Variants in DIPK1B observed in about 807,000 individuals in gnomAD.
The protein encoded by DIPK1B is divergent protein kinase domain 1B.
DIPK1B carries 17 observed loss-of-function variants against 20.7 expected under a neutral mutation model. The observed-to-expected ratio is 0.82, with a 90% CI of 0.56 to 1.23. The LOEUF (loss-of-function observed/expected upper bound fraction) is 1.23. Among genes scored for constraint, DIPK1B ranks in the 50% most tolerant of loss-of-function variants. DIPK1B has a pLI of 0.00. For missense variants in DIPK1B, 648 were observed against 601.8 expected, an observed-to-expected ratio of 1.08 and a Z score of -0.80; for synonymous variants, 343 against 276.5, an observed-to-expected ratio of 1.24 and a Z score of -2.39.
Position 136,723,360 on chromosome 9 carries a change from C to G in DIPK1B, c.882C>G (p.Tyr294Ter), listed in dbSNP as rs772895018. 6.2e-7 allele frequency: 1 copy of G among 1,613,294 alleles called. No homozygotes were observed. Among genetic ancestry groups the G allele is most frequent in the African/African-American group, 1.3e-5 (1 of 74,934 alleles). The change falls in exon 5 of 5, where the codon TAC (tyrosine) becomes TAG (stop). Residue 294 changes from tyrosine to a stop codon, truncating the protein, a stop_gained. Transcript: ENST00000371692. LOFTEE classifies it low-confidence loss of function (END_TRUNC). ...ELFHGSYGTF[Y>*]MCETTLANVG... ...TCCACGGCTCTTACGGGACTTTCTACATGTGTGAGACCACACTGGCCAACG... is the reference window on the plus strand; with the variant it reads ...TCCACGGCTCTTACGGGACTTTCTAGATGTGTGAGACCACACTGGCCAACG...
At chr9:136,722,836 C>T (rs1220865997) in intron 4 of DIPK1B, 126 bp from the exon 5 acceptor site, 1 of 961,628 alleles carries the variant, frequency 1.0e-6, no homozygotes. Flanking sequence ...GGCTGGGACC[C>T]CTAACCTGGC....
At chr9:136,718,692 T>C (rs974528119) in intron 2 of DIPK1B, among the ~76,000 whole-genome samples, 5 of 152,124 alleles carry the variant, frequency 3.3e-5, no homozygotes, top group Non-Finnish European at 5.9e-5. Flanking sequence ...TGGGTTGTCA[T>C]AGGGTGATTG....
At chr9:136,717,844 C>A in intron 2 of DIPK1B, 133 bp downstream of exon 2, 1 of 1,374,046 alleles carries the variant, frequency 7.3e-7, no homozygotes, top group South Asian at 1.3e-5. Flanking sequence ...TAGGTGGAAT[C>A]TGCAAAGCTG....
In DIPK1B at chr9:136,712,595, GCGGGCCGGGC is replaced by G. The variant is rs894904352; in HGVS notation, c.-61_-52del. ...GCATGGCGAGGGAGCGGCGGCCGCT[GCGGGCCGGGC>G]CGGGCCGGGGCTGAGGCCGAGCGAG... On this transcript the variant is annotated 5_prime_UTR_variant, in exon 1 of 5. An upstream open reading frame in the 5' UTR loses its in-frame stop. Coordinates refer to ENST00000371692, the MANE Select transcript of DIPK1B (RefSeq NM_152421.4). This position sits in a 1 kb window ranked among gnomAD's most constrained non-coding sequence, Gnocchi z 5.6. 3.3e-5 allele frequency: 24 copies of G among 733,540 alleles called. No individual in the cohort carries two copies. Among genetic ancestry groups the G allele is most frequent in the Admixed American group, 1.3e-4 (2 of 15,498 alleles). The allele number at this position is 733,540 out of a possible 1,614,324, so 45.4% of individuals were successfully genotyped here. A position where few individuals can be genotyped will look rare whatever the true frequency, so the allele number is the denominator to read the frequency against.
chr9:136,722,555 G>GT (rs1418083852), intron 4 of DIPK1B: 1 of 583,648 alleles, frequency 1.7e-6, no homozygotes, highest in African/African-American at 1.9e-5. Flanking sequence ...GTCAAGGGCC[G>GT]TGTGTCCAGC....
chr9:136,713,526 G>A (rs1046250114), intron 1 of DIPK1B, among the ~76,000 whole-genome samples: 27 of 152,232 alleles, frequency 1.8e-4, no homozygotes, highest in African/African-American at 5.8e-4. Flanking sequence ...TATGGAACCT[G>A]GCAACCCACA....
chr9:136,718,065 G>C (rs1430369757), intron 2 of DIPK1B, among the ~76,000 whole-genome samples: 1 of 152,106 alleles, frequency 6.6e-6, no homozygotes, highest in East Asian at 1.9e-4. Flanking sequence ...ACTGCTCCGG[G>C]ATAGAGACCC....
chr9:136,724,353 T>A lies in DIPK1B; in HGVS notation c.*579T>A, dbSNP rs372644767. 1.4e-4 allele frequency among the ~76,000 whole-genome samples: 21 copies of A among 152,184 alleles called. No homozygotes were observed. The East Asian group carries it at 1.5e-3, about 11-fold the overall frequency. ...AGGTGTTCCAGTAAGAAAACAGATATATGCGGTATTTTAAAAACTGATTTT... is the reference window on the plus strand; with the variant it reads ...AGGTGTTCCAGTAAGAAAACAGATAAATGCGGTATTTTAAAAACTGATTTT... On this transcript the variant is annotated 3_prime_UTR_variant, in exon 5 of 5. Transcript: ENST00000371692.
chr9:136,723,057 A>C lies in DIPK1B; in HGVS notation c.579A>C (p.Glu193Asp). 1 of 1,613,556 alleles carries C rather than the reference A, an allele frequency of 6.2e-7. No homozygotes were observed. The highest frequency in any genetic ancestry group is 8.5e-7 in the Non-Finnish European group (1 of 1,180,034). Residue 193 changes from glutamate (E) to aspartate (D), a missense_variant, in exon 5 of 5, where the codon GAA becomes GAC. Coordinates refer to ENST00000371692, the MANE Select transcript of DIPK1B (RefSeq NM_152421.4). ...AGGACAACCGGGTGTCCCTGGCGGA[A>C]GCCAAGTCCGTGTGGGCCCTGCTGC... ...FNKDNRVSLA[E>D]AKSVWALLQR... is the part of the protein sequence containing the mutation.
chr9:136,722,185 C>T lies in DIPK1B; in HGVS notation c.367C>T (p.Leu123Phe), dbSNP rs750591251. The T allele has an allele frequency of 6.2e-7, 1 of 1,613,960 alleles. No homozygotes were observed. Among genetic ancestry groups the T allele is most frequent in the South Asian group, 1.1e-5 (1 of 91,088 alleles). Residue 123 changes from leucine to phenylalanine, a missense_variant, in exon 4 of 5, where the codon CTC (leucine) becomes TTC (phenylalanine). Coordinates refer to ENST00000371692, the MANE Select transcript of DIPK1B (RefSeq NM_152421.4). ...VTIKCGIEET[L>F]DSKARSDAAP... is the part of the protein sequence containing the mutation. Reference sequence around the variant, plus strand: ...CATCAAGTGTGGCATTGAGGAGACCCTCGACTCCAAGGCCCGGTCGGATGC... The same window carrying T: ...CATCAAGTGTGGCATTGAGGAGACCTTCGACTCCAAGGCCCGGTCGGATGC...
At position 136,724,242 on chromosome 9, in the gene DIPK1B, G is replaced by C. The variant is rs1846667671; in HGVS notation, c.*468G>C. On this transcript the variant is annotated 3_prime_UTR_variant, in exon 5 of 5. Coordinates refer to ENST00000371692, the MANE Select transcript of DIPK1B (RefSeq NM_152421.4). ...CCCACACACACCTCTGAAGCCGCCA[G>C]GGCAGTTCCCCAAACACAGCGGCTT... is the stretch of plus-strand genomic sequence containing the variant. 1.3e-5 allele frequency among the ~76,000 whole-genome samples: 2 copies of C among 152,304 alleles called. No individual in the cohort carries two copies. The highest frequency in any genetic ancestry group is 4.1e-4 in the South Asian group (2 of 4,824).
At position 136,712,833 on chromosome 9, in the gene DIPK1B, C is replaced by G; in HGVS notation, c.63+105C>G. On this transcript the variant is annotated intron_variant, in intron 1 of 4. Coordinates refer to ENST00000371692, the MANE Select transcript of DIPK1B (RefSeq NM_152421.4). The surrounding 1 kb of genome is among the most constrained non-coding windows in gnomAD (Gnocchi z 5.6). ...CGGAGCGGGGCCCCGGGTTCGGACA[C>G]GAAGGGTTCATGAGCCCGGGGTGGG... 1.3e-6 allele frequency: 1 copy of G among 754,092 alleles called. No individual in the cohort carries two copies. The highest frequency in any genetic ancestry group is 1.8e-6 in the Non-Finnish European group (1 of 564,020). The allele number at this position is 754,092 out of a possible 1,614,324, so 46.7% of individuals were successfully genotyped here. A position where few individuals can be genotyped will look rare whatever the true frequency, so the allele number is the denominator to read the frequency against.
In DIPK1B at chr9:136,723,193, T is replaced by C; in HGVS notation, c.715T>C (p.Trp239Arg). 1 of 1,612,642 alleles carries C rather than the reference T, an allele frequency of 6.2e-7. No individual in the cohort carries two copies. The highest frequency in any genetic ancestry group is 8.5e-7 in the Non-Finnish European group (1 of 1,179,816). ...CACCGAGGGCGTGCCGCATGGCGCC[T>C]GGCACGCGGCCGCCCTTCCACCCCT... The part of the protein sequence containing the change: ...YLTEGVPHGA[W>R]HAAALPPLLR... Residue 239 changes from tryptophan (W) to arginine (R), a missense_variant, in exon 5 of 5, where the codon TGG becomes CGG. Transcript: ENST00000371692.
intron 1 of DIPK1B, among the ~76,000 whole-genome samples, chr9:136,713,840 C>A (rs1846459810): frequency 6.6e-6 from 1 of 152,242 alleles, no homozygotes; most frequent in South Asian, 2.1e-4. Context: ...GCCTCAGTTT[C>A]CTGGCCTTGT....
At chr9:136,716,095 G>T (rs1846492624) in intron 1 of DIPK1B, among the ~76,000 whole-genome samples, 1 of 151,872 alleles carries the variant, frequency 6.6e-6, no homozygotes, top group Admixed American at 6.6e-5. Context: ...TGAGCCTCTT[G>T]TCCTGGGGCT....
chr9:136,714,842 C>T (rs1186142128), intron 1 of DIPK1B, among the ~76,000 whole-genome samples: 2 of 152,160 alleles, frequency 1.3e-5, no homozygotes, highest in Admixed American at 6.5e-5. Flanking sequence ...GTAGCCCTGC[C>T]TGGGGCGGCC....
At chr9:136,717,447 A>AG in intron 1 of DIPK1B, 130 bp from the exon 2 acceptor site, 2 of 1,067,524 alleles carry the variant, frequency 1.9e-6, no homozygotes, top group Middle Eastern at 6.2e-4. Flanking sequence ...CGGGGGTGCC[A>AG]GGGGGCCAAG....
In DIPK1B at chr9:136,713,007, C is replaced by T. The variant is rs371645306; in HGVS notation, c.63+279C>T. 2.0e-5 allele frequency among the ~76,000 whole-genome samples: 3 copies of T among 152,314 alleles called. No individual in the cohort carries two copies. In the East Asian group the frequency reaches 5.8e-4, roughly 30 times the overall value. On this transcript the variant is annotated intron_variant, in intron 1 of 4. Coordinates refer to ENST00000371692, the MANE Select transcript of DIPK1B (RefSeq NM_152421.4). ...GTCCCTGCCCCCCAGGCCCAGAAAC[C>T]ACACCGAAGTCCTTTCTTCTTTTCT...
chr9:136,724,495 TAGG>T lies in DIPK1B; in HGVS notation c.*724_*726del, dbSNP rs1302589662. 2.0e-5 allele frequency among the ~76,000 whole-genome samples: 3 copies of T among 152,258 alleles called. No individual in the cohort carries two copies. In the East Asian group the frequency reaches 5.8e-4, roughly 29 times the overall value. ...CCCAGGGCACCCAGCAACCATCCCCTAGGAGAACAGGCAAGGACCCTCGTGGGA... is the reference window on the plus strand; with the variant it reads ...CCCAGGGCACCCAGCAACCATCCCCTAGAACAGGCAAGGACCCTCGTGGGA... On this transcript the variant is annotated 3_prime_UTR_variant, in exon 5 of 5. Coordinates refer to ENST00000371692, the MANE Select transcript of DIPK1B (RefSeq NM_152421.4).
Sources: gnomAD v4.1 joint callset for allele counts (sites outside exome capture counted in the v4.1 genomes callset) on GRCh38, gnomAD v4.1.1 for gene constraint, Gnocchi (gnomAD v3.1) non-coding constraint, MANE v1.5 for transcripts, NCBI Gene and HGNC (gene_info 2026-07-23, HGNC 2026-07-21) for gene names.